NRG3: variants seen among roughly 807,000 people sequenced by gnomAD.
NRG3 encodes pro-neuregulin-3, membrane-bound isoform.
A neutral mutation model predicts 66.9 loss-of-function variants in NRG3; 31 were observed. The ratio of observed to expected loss-of-function variants is 0.46; its 90% confidence interval spans 0.35 to 0.63. NRG3 has a LOEUF of 0.63. Ranked by LOEUF, NRG3 falls within the 20% of genes least tolerant of loss-of-function variation. The pLI, the probability that NRG3 is intolerant of heterozygous loss-of-function variation, is 0.00. For synonymous variants in NRG3, 393 were observed against 359.4 expected (o/e 1.09, Z -1.06); for missense variants, 910 against 878.9 (o/e 1.04, Z -0.45).
intron 2 of NRG3, among the ~76,000 whole-genome samples, chr10:82,655,813 T>A (rs1254119646): frequency 6.6e-6 from 1 of 152,190 alleles, no homozygotes; most frequent in African/African-American, 2.4e-5. Flanking sequence ...TATAAATCTA[T>A]ATATACTGCT....
At chr10:82,348,473 T>C (rs1203717524) in intron 1 of NRG3, among the ~76,000 whole-genome samples, 6 of 150,678 alleles carry the variant, frequency 4.0e-5, no homozygotes, top group Non-Finnish European at 5.9e-5. Flanking sequence ...GAGGGTAACC[T>C]GACCTTTCTC....
intron 1 of NRG3, among the ~76,000 whole-genome samples, chr10:82,112,096 C>T (rs956545270): frequency 2.0e-5 from 3 of 151,832 alleles, no homozygotes; most frequent in African/African-American, 7.3e-5. Flanking sequence ...AAATAAAAAA[C>T]AGCTGGGCAT....
chr10:81,943,980 G>T (rs776156262), intron 1 of NRG3, among the ~76,000 whole-genome samples: 1 of 152,154 alleles, frequency 6.6e-6, no homozygotes, highest in African/African-American at 2.4e-5. Context: ...GTGATTGCAG[G>T]TGCAGGTGTG....
intron 2 of NRG3, among the ~76,000 whole-genome samples, chr10:82,547,946 A>C (rs150194774): frequency 0.011 from 1,728 of 152,092 alleles, 32 homozygotes; most frequent in African/African-American, 0.038. Flanking sequence ...CTTATTTTCA[A>C]ATTGGCCTGT....
intron 3 of NRG3, among the ~76,000 whole-genome samples, chr10:82,808,601 CTGT>C (rs763586496): frequency 2.6e-5 from 4 of 151,882 alleles, no homozygotes; most frequent in Non-Finnish European, 4.4e-5. Context: ...TCCAATTAAA[CTGT>C]TATTTTTTAG....
intron 8 of NRG3, among the ~76,000 whole-genome samples, chr10:82,984,161 T>C (rs906418715): frequency 1.3e-5 from 2 of 152,340 alleles, no homozygotes; most frequent in East Asian, 3.9e-4. Context: ...AAAACACTAC[T>C]GTTCAAGTTC....
chr10:81,886,236 A>G (rs1313608706), intron 1 of NRG3, among the ~76,000 whole-genome samples: 1 of 152,198 alleles, frequency 6.6e-6, no homozygotes, highest in Admixed American at 6.5e-5. Flanking sequence ...TACAGTTGGT[A>G]GCACTTCTGT....
intron 1 of NRG3, among the ~76,000 whole-genome samples, chr10:82,210,562 A>G (rs753599680): frequency 5.9e-5 from 9 of 152,126 alleles, no homozygotes; most frequent in Admixed American, 1.3e-4. Flanking sequence ...GCAAGAAGCA[A>G]TGTGTTGGGC....
intron 2 of NRG3, among the ~76,000 whole-genome samples, chr10:82,661,241 C>G (rs1204373453): frequency 6.6e-6 from 1 of 152,114 alleles, no homozygotes; most frequent in East Asian, 1.9e-4. Context: ...CACAAACTAA[C>G]TCAAGTCCTC....
intron 1 of NRG3, among the ~76,000 whole-genome samples, chr10:81,982,604 A>G (rs1239475817): frequency 3.3e-5 from 5 of 152,198 alleles, no homozygotes; most frequent in African/African-American, 7.2e-5. Context: ...AGCAAGCCTG[A>G]GCCTCTCTTC....
At chr10:82,877,817 G>T (rs1344716442) in intron 4 of NRG3, among the ~76,000 whole-genome samples, 3 of 152,138 alleles carry the variant, frequency 2.0e-5, no homozygotes, top group Non-Finnish European at 4.4e-5. Flanking sequence ...ATATATGTTT[G>T]ACACACATGA....
chr10:82,191,544 A>G (rs907158007), intron 1 of NRG3, among the ~76,000 whole-genome samples: 1 of 152,144 alleles, frequency 6.6e-6, no homozygotes, highest in African/African-American at 2.4e-5. Context: ...TACAAACTAG[A>G]TGACTTCCAA....
At chr10:82,318,909 A>G (rs2081422517) in intron 1 of NRG3, among the ~76,000 whole-genome samples, 1 of 152,208 alleles carries the variant, frequency 6.6e-6, no homozygotes, top group Non-Finnish European at 1.5e-5. Context: ...CAGCAACCAC[A>G]TTATGCCTCT....
chr10:82,544,034 A>G (rs1324270803), intron 2 of NRG3, among the ~76,000 whole-genome samples: 1 of 152,052 alleles, frequency 6.6e-6, no homozygotes, highest in Middle Eastern at 3.2e-3. Flanking sequence ...TTTGTCAGTT[A>G]TTTTTTCTTG....
intron 3 of NRG3, among the ~76,000 whole-genome samples, chr10:82,775,345 C>T (rs1489064937): frequency 6.7e-6 from 1 of 149,980 alleles, no homozygotes; most frequent in Non-Finnish European, 1.5e-5. Context: ...GTTAAATTCT[C>T]TTTTGATTTG....
At position 82,387,971 on chromosome 10, in the gene NRG3, G is replaced by A. The variant is rs2086115809; in HGVS notation, c.953+29103G>A. ...GCATGTTGTTGATGAGCAGGTGGGA[G>A]CATACATATATGTATAAGTATAAAT... On this transcript the variant is annotated intron_variant, in intron 2 of 8. Coordinates refer to ENST00000372141, the MANE Select transcript of NRG3 (RefSeq NM_001010848.4). Among the ~76,000 whole-genome samples, 5 of 152,256 alleles carry A rather than the reference G, an allele frequency of 3.3e-5. No homozygotes were observed. In the South Asian group the frequency reaches 1.0e-3, roughly 32 times the overall value.
At chr10:82,657,011 C>T (rs1457383549) in intron 2 of NRG3, among the ~76,000 whole-genome samples, 1 of 152,042 alleles carries the variant, frequency 6.6e-6, no homozygotes, top group Non-Finnish European at 1.5e-5. Flanking sequence ...CTTCCCCACA[C>T]ACCCGTATAT....
intron 1 of NRG3, among the ~76,000 whole-genome samples, chr10:82,034,464 G>T (rs563835652): frequency 4.2e-4 from 64 of 152,210 alleles, no homozygotes; most frequent in Admixed American, 1.8e-3. Context: ...ATTTGAATTT[G>T]AGCTCTGTCA....
rs550386578 is a variant in NRG3, at chr10:82,435,785, T to C, written c.953+76917T>C. 3.4e-3 allele frequency among the ~76,000 whole-genome samples: 489 copies of C among 145,068 alleles called. 1 individual carries two copies. Among genetic ancestry groups the C allele is most frequent in the African/African-American group, 0.012 (462 of 39,274 alleles). ...AGTGAGTTTCTTTTCTTTTCTTTTTTTTTTTTTTTTTTTTGAGATGGAGTC... is the reference window on the plus strand; with the variant it reads ...AGTGAGTTTCTTTTCTTTTCTTTTTCTTTTTTTTTTTTTTGAGATGGAGTC... On this transcript the variant is annotated intron_variant, in intron 2 of 8. Transcript: ENST00000372141.
Sources: gnomAD v4.1 joint callset for allele counts (sites outside exome capture counted in the v4.1 genomes callset) on GRCh38, gnomAD v4.1.1 for gene constraint, MANE v1.5 for transcripts, NCBI Gene and HGNC (gene_info 2026-07-23, HGNC 2026-07-21) for gene names.